Variants in INSL6 observed in about 807,000 individuals in gnomAD.
INSL6 encodes the protein insulin like 6, also known as insulin-like peptide INSL6.
INSL6 carries 16 observed loss-of-function variants against 9.4 expected under a neutral mutation model. The observed-to-expected ratio is 1.70, with a 90% confidence interval of 1.15 to 2.59. INSL6 has a LOEUF of 2.59. INSL6 is among the 30% of genes most tolerant of loss of function. The pLI, the probability that INSL6 is intolerant of heterozygous loss-of-function variation, is 0.00. For synonymous variants in INSL6, 154 were observed against 96.9 expected, an observed-to-expected ratio of 1.59 and a Z score of -3.46; for missense variants, 391 against 257.3, an observed-to-expected ratio of 1.52 and a Z score of -3.56.
the INSL6 span, among the ~76,000 whole-genome samples, chr9:5,089,262 G>C: frequency 6.6e-6 from 1 of 152,136 alleles, no homozygotes; most frequent in African/African-American, 2.4e-5. Flanking sequence ...TCTGCTGCTG[G>C]GCATGGTGGC....
the INSL6 span, among the ~76,000 whole-genome samples, chr9:5,096,062 C>T: frequency 6.6e-6 from 1 of 152,150 alleles, no homozygotes; most frequent in African/African-American, 2.4e-5. Flanking sequence ...ATTACCCCAA[C>T]CATTATAGCT....
the INSL6 span, among the ~76,000 whole-genome samples, chr9:5,011,581 CAT>C: frequency 6.6e-6 from 1 of 152,154 alleles, no homozygotes; most frequent in Non-Finnish European, 1.5e-5. Context: ...ACATATGTAT[CAT>C]AGTAAACAAA....
intron 3 of INSL6, among the ~76,000 whole-genome samples, chr9:5,129,147 G>GAGTT (rs1300533342): frequency 1.3e-5 from 2 of 151,988 alleles, no homozygotes; most frequent in African/African-American, 4.8e-5. Context: ...AGCTACAAAA[G>GAGTT]AGTTAGCAAA....
At chr9:5,064,110 C>T in the INSL6 span, among the ~76,000 whole-genome samples, 3 of 152,098 alleles carry the variant, frequency 2.0e-5, no homozygotes, top group South Asian at 2.1e-4. Context: ...GAGCCAAGAT[C>T]GCGCCATTGC....
intron 1 of INSL6, among the ~76,000 whole-genome samples, chr9:5,177,737 A>C (rs578002719): frequency 2.4e-4 from 36 of 152,136 alleles, no homozygotes; most frequent in African/African-American, 8.4e-4. Context: ...GAGGAGGGGC[A>C]GCCGCCATCT....
chr9:5,179,391 C>T (rs925192212), intron 1 of INSL6, among the ~76,000 whole-genome samples: 1 of 152,130 alleles, frequency 6.6e-6, no homozygotes, highest in Non-Finnish European at 1.5e-5. Flanking sequence ...AAAAGGAACA[C>T]TTTTACACTG....
the INSL6 span, among the ~76,000 whole-genome samples, chr9:5,004,500 G>T: frequency 6.6e-6 from 1 of 151,982 alleles, no homozygotes; most frequent in Non-Finnish European, 1.5e-5. Flanking sequence ...ATATTCTATT[G>T]TGTACATATG....
At chr9:5,125,380 A>G (rs1274987438) in intron 3 of INSL6, among the ~76,000 whole-genome samples, 2 of 151,444 alleles carry the variant, frequency 1.3e-5, no homozygotes, top group Non-Finnish European at 3.0e-5. Context: ...TATGTTTTCT[A>G]ATTGCTGAGT....
At chr9:5,002,430 G>T in the INSL6 span, among the ~76,000 whole-genome samples, 1 of 151,818 alleles carries the variant, frequency 6.6e-6, no homozygotes. Context: ...TGCAATACTG[G>T]GAGATTTTCT....
At chr9:5,082,401 G>A in the INSL6 span, among the ~76,000 whole-genome samples, 1 of 152,250 alleles carries the variant, frequency 6.6e-6, no homozygotes, top group Non-Finnish European at 1.5e-5. Context: ...TCTCAGTGGA[G>A]TAAAGAATAA....
chr9:5,059,447 T>C, the INSL6 span, among the ~76,000 whole-genome samples: 11 of 152,312 alleles, frequency 7.2e-5, no homozygotes, highest in South Asian at 2.3e-3. Context: ...GTACCTCAAA[T>C]TTTAAATGTA....
chr9:5,130,965 A>G (rs10974978), intron 3 of INSL6, among the ~76,000 whole-genome samples: 55,457 of 150,558 alleles, frequency 0.37, 11,292 homozygotes, highest in African/African-American at 0.56. Context: ...TCCTGACCTC[A>G]TGATCCGCCC....
the INSL6 span, among the ~76,000 whole-genome samples, chr9:5,043,480 A>G: frequency 2.6e-5 from 4 of 152,232 alleles, no homozygotes; most frequent in African/African-American, 9.6e-5. Flanking sequence ...ACTAATTTGG[A>G]TGCAGTATAT....
At chr9:5,147,351 G>A (rs550896795) in intron 2 of INSL6, among the ~76,000 whole-genome samples, 1 of 152,300 alleles carries the variant, frequency 6.6e-6, no homozygotes, top group East Asian at 1.9e-4. Flanking sequence ...TGGAGGTGTG[G>A]ATAAGGTGCT....
At chr9:5,077,537 A>G in the INSL6 span, 1 of 1,492,120 alleles carries the variant, frequency 6.7e-7, no homozygotes, top group Non-Finnish European at 8.9e-7. Flanking sequence ...ATATTATGGA[A>G]ACTTGAAGTT....
intron 2 of INSL6, among the ~76,000 whole-genome samples, chr9:5,154,269 T>A (rs1254172397): frequency 6.6e-6 from 1 of 152,242 alleles, no homozygotes; most frequent in Admixed American, 6.5e-5. Context: ...AGGCTAGTCA[T>A]TTGCAGAAAG....
At chr9:5,065,953 G>T in the INSL6 span, among the ~76,000 whole-genome samples, 2 of 152,214 alleles carry the variant, frequency 1.3e-5, no homozygotes, top group East Asian at 3.9e-4. Context: ...TGTACTACTT[G>T]AACTTTATGT....
chr9:5,004,496 T>C, the INSL6 span, among the ~76,000 whole-genome samples: 2 of 152,346 alleles, frequency 1.3e-5, no homozygotes, highest in East Asian at 3.9e-4. Context: ...AATTATATTC[T>C]ATTGTGTACA....
the INSL6 span, chr9:5,041,122 G>T: frequency 1.1e-6 from 1 of 882,000 alleles, no homozygotes; most frequent in Non-Finnish European, 1.8e-6. Flanking sequence ...CGCCCAAGAC[G>T]GTGCTCCTGA....
Sources: allele counts gnomAD v4.1 joint callset (sites outside exome capture counted in the v4.1 genomes callset), GRCh38; gene constraint gnomAD v4.1.1; transcripts MANE v1.5; gene names NCBI Gene and HGNC (gene_info 2026-07-23, HGNC 2026-07-21).